Variants in LINGO1 observed in about 807,000 individuals in gnomAD.
LINGO1 encodes leucine-rich repeat and immunoglobulin-like domain-containing nogo receptor-interacting protein 1.
LINGO1 carries 11 observed loss-of-function variants against 37.3 expected under a neutral mutation model. That is an observed-to-expected ratio of 0.29 (90% CI 0.19 to 0.49). The LOEUF is 0.49. LINGO1 is among the 20% of genes least tolerant of loss of function. The probability of loss-of-function intolerance (pLI) is 0.99; values close to 1 mark genes in which losing one functional copy is unlikely to be tolerated. For synonymous variants in LINGO1, 387 were observed against 403.0 expected (o/e 0.96, Z 0.48); for missense variants, 585 against 878.2 (o/e 0.67, Z 4.22).
At chr15:77,664,307 G>A (rs546091020) in intron 3 of LINGO1, among the ~76,000 whole-genome samples, 12 of 152,212 alleles carry the variant, frequency 7.9e-5, no homozygotes, top group Middle Eastern at 3.4e-3. Context: ...GCTGAAATAC[G>A]CTCTTGACAA....
Position 77,623,893 on chromosome 15 carries a change from T to A in LINGO1, c.7-7993A>T, listed in dbSNP as rs541765350. ...TGTGTGTGTCTGTGTGTGAGTGATG[T>A]GTGTGTGGTCTCTGTGTGTGACTGA... On this transcript the variant is annotated intron_variant, in intron 1 of 1. Coordinates refer to ENST00000355300, the MANE Select transcript of LINGO1 (RefSeq NM_032808.7). 1.8e-4 allele frequency among the ~76,000 whole-genome samples: 26 copies of A among 144,226 alleles called. No individual in the cohort carries two copies. The East Asian group carries it at 5.1e-3, about 28-fold the overall frequency. 94.6% of individuals were successfully genotyped at this position (144,226 alleles called of 152,430 possible). A position where few individuals can be genotyped will look rare whatever the true frequency, so the allele number is the denominator to read the frequency against.
chr15:77,745,503 C>G (rs1156299278), intron 1 of LINGO1, among the ~76,000 whole-genome samples: 1 of 152,056 alleles, frequency 6.6e-6, no homozygotes, highest in African/African-American at 2.4e-5. Flanking sequence ...AATCCAGAAT[C>G]ACTGCCACCC....
intron 2 of LINGO1, among the ~76,000 whole-genome samples, chr15:77,706,550 C>T (rs2075855126): frequency 6.6e-6 from 1 of 152,166 alleles, no homozygotes; most frequent in South Asian, 2.1e-4. Context: ...TTCCTGTTAC[C>T]CCACAAGTTT....
intron 1 of LINGO1, among the ~76,000 whole-genome samples, chr15:77,752,765 C>T (rs1244190299): frequency 6.6e-6 from 1 of 152,136 alleles, no homozygotes; most frequent in East Asian, 1.9e-4. Context: ...TTCCCGTGTG[C>T]CCACAGGACA....
intron 2 of LINGO1, among the ~76,000 whole-genome samples, chr15:77,713,257 T>TGTGTGTGTGTGTG (rs61580201): frequency 6.9e-6 from 1 of 143,926 alleles, no homozygotes; most frequent in South Asian, 2.2e-4. Flanking sequence ...TGTGTGTGTG[T>TGTGTGTGTGTGTG]TGTAGAGACA....
intron 2 of LINGO1, among the ~76,000 whole-genome samples, chr15:77,703,766 G>T (rs2075814478): frequency 6.6e-6 from 1 of 152,118 alleles, no homozygotes; most frequent in Admixed American, 6.5e-5. Flanking sequence ...CCAGCTGCTG[G>T]TGACAGGACC....
chr15:77,628,830 G>A (rs1369768585), intron 1 of LINGO1, among the ~76,000 whole-genome samples: 1 of 152,132 alleles, frequency 6.6e-6, no homozygotes, highest in Non-Finnish European at 1.5e-5. Flanking sequence ...GCAAGCTGGG[G>A]ACTCACAGCA....
In LINGO1 at chr15:77,748,513, T is replaced by C. The variant is rs552198257; in HGVS notation, c.-256-13460A>G. On this transcript the variant is annotated intron_variant, in intron 1 of 3. Coordinates refer to the LINGO1 transcript ENST00000561686. Reference sequence around the variant, plus strand: ...TAGCCTCTGGGCGTGGCCAACCCCTTTGATGCCCTGCAGAGCCCAGGAACC... The same window carrying C: ...TAGCCTCTGGGCGTGGCCAACCCCTCTGATGCCCTGCAGAGCCCAGGAACC... Among the ~76,000 whole-genome samples the C allele has an allele frequency of 2.6e-5, 4 of 152,178 alleles. No individual in the cohort carries two copies. In the East Asian group the frequency reaches 7.8e-4, roughly 30 times the overall value.
chr15:77,740,109 C>T (rs553779884), intron 1 of LINGO1, among the ~76,000 whole-genome samples: 2 of 152,220 alleles, frequency 1.3e-5, no homozygotes, highest in African/African-American at 4.8e-5. Context: ...GGGAGACACA[C>T]TGGGATGAGG....
chr15:77,631,424 G>C (rs1314316752), intron 1 of LINGO1, among the ~76,000 whole-genome samples: 1 of 152,172 alleles, frequency 6.6e-6, no homozygotes, highest in Non-Finnish European at 1.5e-5. Context: ...AGTCAGGCTG[G>C]ACCAGGCTGG....
At chr15:77,754,651 G>A (rs2076402878) in intron 1 of LINGO1, among the ~76,000 whole-genome samples, 1 of 152,222 alleles carries the variant, frequency 6.6e-6, no homozygotes, top group Admixed American at 6.5e-5. Flanking sequence ...GGGGGTTCTG[G>A]GGGTGGGGCT....
At chr15:77,770,587 CAAAAAAAAAA>C (rs71145861) in intron 1 of LINGO1, among the ~76,000 whole-genome samples, 3 of 79,326 alleles carry the variant, frequency 3.8e-5, no homozygotes, top group African/African-American at 1.6e-4. Flanking sequence ...GACTCTGTCT[CAAAAAAAAAA>C]AAAAAAAAAA....
At chr15:77,730,063 G>A (rs764920493) in intron 2 of LINGO1, among the ~76,000 whole-genome samples, 34 of 152,036 alleles carry the variant, frequency 2.2e-4, no homozygotes, top group Non-Finnish European at 1.9e-4. Flanking sequence ...GAGGTCCGGG[G>A]TTGGGAGCGT....
chr15:77,734,568 G>C (rs1008470287), intron 2 of LINGO1, among the ~76,000 whole-genome samples: 1 of 151,678 alleles, frequency 6.6e-6, no homozygotes, highest in African/African-American at 2.4e-5. Context: ...TGCCCCAACA[G>C]ATTCCCTGGC....
At chr15:77,771,748 G>A (rs1037554118) in intron 1 of LINGO1, among the ~76,000 whole-genome samples, 13 of 152,226 alleles carry the variant, frequency 8.5e-5, no homozygotes, top group South Asian at 4.2e-4. Context: ...GCCACCCCCC[G>A]CCTACATGTC....
chr15:77,646,283 C>T (rs906742589), intron 3 of LINGO1: 7 of 335,896 alleles, frequency 2.1e-5, no homozygotes, highest in South Asian at 9.6e-5. Flanking sequence ...GACTCCACCC[C>T]GCCCTGCCAC....
At chr15:77,816,626 G>A (rs980018932) in intron 1 of LINGO1, among the ~76,000 whole-genome samples, 9 of 152,188 alleles carry the variant, frequency 5.9e-5, no homozygotes, top group African/African-American at 2.2e-4. Flanking sequence ...CTGGGGTGAG[G>A]AAGTGGCTGT....
At chr15:77,726,933 G>C (rs1212781531) in intron 2 of LINGO1, among the ~76,000 whole-genome samples, 1 of 152,188 alleles carries the variant, frequency 6.6e-6, no homozygotes, top group East Asian at 1.9e-4. Flanking sequence ...CAAAGGACTT[G>C]AATAGACATT....
chr15:77,774,993 T>G (rs920813462), intron 1 of LINGO1, among the ~76,000 whole-genome samples: 9 of 152,192 alleles, frequency 5.9e-5, no homozygotes, highest in Non-Finnish European at 1.5e-5. Context: ...TGGCTGGGAC[T>G]AGAACCCACG....
Sources: gnomAD v4.1 joint callset for allele counts (sites outside exome capture counted in the v4.1 genomes callset) on GRCh38, gnomAD v4.1.1 for gene constraint, MANE v1.5 for transcripts, NCBI Gene and HGNC (gene_info 2026-07-23, HGNC 2026-07-21) for gene names.